The following BMPER variants were observed in gnomAD, a reference collection of about 807,000 sequenced individuals.
BMPER encodes BMP binding endothelial regulator, also known as BMP-binding endothelial regulator protein.
In BMPER, 45 loss-of-function variants were observed where a neutral mutation model predicts 87.3. The observed-to-expected ratio is 0.52, with a 90% CI of 0.41 to 0.66. The LOEUF is 0.66. Ranked by LOEUF, BMPER falls within the 30% of genes least tolerant of loss-of-function variation. The probability of loss-of-function intolerance (pLI) is 0.00; values close to 1 mark genes in which losing one functional copy is unlikely to be tolerated. For missense variants in BMPER, 784 were observed against 867.5 expected (o/e 0.90, Z 1.21); for synonymous variants, 326 against 316.2 (o/e 1.03, Z -0.33).
In BMPER at chr7:33,966,469, T is replaced by G. The variant is rs371063259; in HGVS notation, c.320-10T>G. On this transcript the variant is annotated splice_polypyrimidine_tract_variant and intron_variant, in intron 3 of 14. Coordinates refer to ENST00000649409, the MANE Select transcript of BMPER (RefSeq NM_001365308.1). ...TGGCCTTTCTTCCTGCTTCTGTGTC[T>G]CCTGTCTAGGTTGCACCTATGAAGG... The G allele has an allele frequency of 3.3e-5, 54 of 1,612,338 alleles. No individual in the cohort carries two copies. The African/African-American group carries it at 6.4e-4, about 19-fold the overall frequency.
chr7:34,036,492 G>A (rs1168728576), intron 6 of BMPER, among the ~76,000 whole-genome samples: 1 of 152,180 alleles, frequency 6.6e-6, no homozygotes, highest in African/African-American at 2.4e-5. Context: ...AGCAGGCCCC[G>A]CCTCTCCTCC....
At chr7:33,926,940 C>T (rs760170389) in intron 2 of BMPER, among the ~76,000 whole-genome samples, 3 of 152,228 alleles carry the variant, frequency 2.0e-5, no homozygotes, top group East Asian at 1.9e-4. Context: ...GATGTCACCC[C>T]GCTCTTACTG....
intron 6 of BMPER, among the ~76,000 whole-genome samples, chr7:34,033,059 A>G (rs1787572801): frequency 1.3e-5 from 2 of 152,210 alleles, no homozygotes; most frequent in Admixed American, 1.3e-4. Flanking sequence ...GGAAGTCCAC[A>G]CAATGCATTT....
At chr7:34,108,246 A>G (rs1054763412) in intron 13 of BMPER, among the ~76,000 whole-genome samples, 1 of 152,178 alleles carries the variant, frequency 6.6e-6, no homozygotes, top group Non-Finnish European at 1.5e-5. Flanking sequence ...TTAGACCTAC[A>G]TGGGGGTTGT....
intron 3 of BMPER, among the ~76,000 whole-genome samples, chr7:33,940,571 A>G (rs1784726964): frequency 6.6e-6 from 1 of 152,152 alleles, no homozygotes; most frequent in African/African-American, 2.4e-5. Flanking sequence ...TTCTGCATTC[A>G]TATAGGAGAA....
At chr7:33,945,200 C>G (rs1051012011) in intron 3 of BMPER, among the ~76,000 whole-genome samples, 22 of 151,016 alleles carry the variant, frequency 1.5e-4, no homozygotes, top group Non-Finnish European at 3.2e-4. Flanking sequence ...CTTGGCCTCC[C>G]AAAGTGCTGG....
In BMPER at chr7:33,950,321, C is replaced by T. The variant is rs546220473; in HGVS notation, c.319+12933C>T. 1.3e-4 allele frequency among the ~76,000 whole-genome samples: 20 copies of T among 152,330 alleles called. No homozygotes were observed. The East Asian group carries it at 3.3e-3, about 25-fold the overall frequency. On this transcript the variant is annotated intron_variant, in intron 3 of 14. Coordinates refer to ENST00000649409, the MANE Select transcript of BMPER (RefSeq NM_001365308.1). ...GTAGTCTCAGAGGCTCCCAGCCTCACAGAGCTTCCTTCTGCTGCTGATGGC... is the reference window on the plus strand; with the variant it reads ...GTAGTCTCAGAGGCTCCCAGCCTCATAGAGCTTCCTTCTGCTGCTGATGGC...
chr7:34,104,383 C>A (rs553801334), intron 13 of BMPER, among the ~76,000 whole-genome samples: 2 of 152,164 alleles, frequency 1.3e-5, no homozygotes, highest in Non-Finnish European at 2.9e-5. Context: ...CCCCAGCATA[C>A]GCTGGAGGAA....
intron 13 of BMPER, among the ~76,000 whole-genome samples, chr7:34,093,614 A>G (rs1320324666): frequency 1.4e-4 from 22 of 152,122 alleles, no homozygotes; most frequent in Admixed American, 9.8e-4. Context: ...TTACTGCATA[A>G]CCTTCCTAGG....
intron 6 of BMPER, among the ~76,000 whole-genome samples, chr7:34,028,886 A>G (rs1035202958): frequency 6.6e-6 from 1 of 151,984 alleles, no homozygotes; most frequent in Non-Finnish European, 1.5e-5. Flanking sequence ...AGACATGGCA[A>G]TTAGTATATT....
chr7:33,950,238 G>T (rs1784987766), intron 3 of BMPER, among the ~76,000 whole-genome samples: 2 of 152,150 alleles, frequency 1.3e-5, no homozygotes, highest in African/African-American at 4.8e-5. Context: ...GAGGGTGGTA[G>T]TTCTGGTCTC....
intron 13 of BMPER, among the ~76,000 whole-genome samples, chr7:34,107,120 C>G (rs1165742925): frequency 1.3e-5 from 2 of 152,208 alleles, no homozygotes; most frequent in Non-Finnish European, 2.9e-5. Context: ...TTCCCATCCT[C>G]TCAACCAGAG....
chr7:33,976,672 A>C (rs1056221769), intron 6 of BMPER, among the ~76,000 whole-genome samples: 4 of 152,162 alleles, frequency 2.6e-5, no homozygotes, highest in Admixed American at 6.5e-5. Context: ...TTTCCAGGTA[A>C]AGGTGTGCCA....
chr7:34,027,919 A>G (rs2127949438), intron 6 of BMPER, among the ~76,000 whole-genome samples: 1 of 152,232 alleles, frequency 6.6e-6, no homozygotes, highest in Middle Eastern at 3.4e-3. Context: ...AGATCTGCCC[A>G]AATCAATATA....
chr7:33,970,513 CT>C, intron 5 of BMPER, 94 bp downstream of exon 5: 1 of 1,298,460 alleles, frequency 7.7e-7, no homozygotes, highest in Non-Finnish European at 1.1e-6. Flanking sequence ...ATTTTCCTCA[CT>C]TTACATCTGT....
At chr7:33,978,478 C>T (rs1376724883) in intron 6 of BMPER, among the ~76,000 whole-genome samples, 1 of 152,202 alleles carries the variant, frequency 6.6e-6, no homozygotes, top group Non-Finnish European at 1.5e-5. Context: ...GTGTAAAATT[C>T]ATACCTCAGA....
intron 2 of BMPER, among the ~76,000 whole-genome samples, chr7:33,934,716 A>G (rs1226010819): frequency 6.6e-6 from 1 of 152,170 alleles, no homozygotes; most frequent in African/African-American, 2.4e-5. Context: ...CAGATCCCAG[A>G]TTGTGCCATC....
At position 34,152,958 on chromosome 7, in the gene BMPER, T is replaced by C. The variant is rs115471433; in HGVS notation, c.1877-134T>C. 895 of 1,045,984 alleles carry C rather than the reference T, an allele frequency of 8.6e-4. 9 individuals are homozygous for C. The African/African-American group carries it at 0.012, about 14-fold the overall frequency. 64.8% of individuals were successfully genotyped at this position (1,045,984 alleles called of 1,614,324 possible). ...ATGTTGGGTGTTTGTCATTCTCTTG[T>C]TAAAATGCAAATGTGATCCTGAGCT... On this transcript the variant is annotated intron_variant, in intron 14 of 14. Coordinates refer to ENST00000649409, the MANE Select transcript of BMPER (RefSeq NM_001365308.1).
Position 34,003,398 on chromosome 7 carries a change from T to C in BMPER, c.576+28614T>C, listed in dbSNP as rs138836116. 3.4e-3 allele frequency among the ~76,000 whole-genome samples: 516 copies of C among 152,082 alleles called. 3 individuals carry two copies. The highest frequency in any genetic ancestry group is 0.012 in the African/African-American group (480 of 41,550). On this transcript the variant is annotated intron_variant, in intron 6 of 14. Transcript: ENST00000649409. ...TTTCTCCCTTCCTTTCTACTATTAC[T>C]GTCATACAAATCGCACTCTATGTAT... is the stretch of plus-strand genomic sequence containing the variant.
Sources: gnomAD v4.1 joint callset for allele counts (sites outside exome capture counted in the v4.1 genomes callset) on GRCh38, gnomAD v4.1.1 for gene constraint, MANE v1.5 for transcripts, NCBI Gene and HGNC (gene_info 2026-07-23, HGNC 2026-07-21) for gene names.